EPHA3: variants seen among roughly 807,000 people sequenced by gnomAD.
EPHA3 encodes EPH receptor A3, also known as ephrin type-A receptor 3.
A neutral mutation model predicts 107.1 loss-of-function variants in EPHA3; 42 were observed. The ratio of observed to expected loss-of-function variants is 0.39; its 90% CI spans 0.31 to 0.51. The LOEUF (loss-of-function observed/expected upper bound fraction) is 0.51. Ranked by LOEUF, EPHA3 falls within the 20% of genes least tolerant of loss-of-function variation. The pLI is 0.78. For missense variants in EPHA3, 1,183 were observed against 1,211.2 expected, an observed-to-expected ratio of 0.98 and a Z score of 0.35; for synonymous variants, 461 against 424.8, an observed-to-expected ratio of 1.09 and a Z score of -1.05.
chr3:89,370,093 G>A (rs1464757314), intron 5 of EPHA3, among the ~76,000 whole-genome samples: 2 of 150,760 alleles, frequency 1.3e-5, no homozygotes, highest in African/African-American at 4.9e-5. Flanking sequence ...GTGGAAGTCA[G>A]TGTGGCGATT....
chr3:89,356,634 T>C (rs1707963498), intron 5 of EPHA3, among the ~76,000 whole-genome samples: 2 of 151,280 alleles, frequency 1.3e-5, no homozygotes, highest in African/African-American at 4.8e-5. Context: ...CTCAATGTAA[T>C]AGGTCATTCT....
intron 5 of EPHA3, 132 bp downstream of exon 5, chr3:89,342,222 T>A: frequency 1.5e-6 from 1 of 681,130 alleles, no homozygotes; most frequent in Non-Finnish European, 2.4e-6. Flanking sequence ...CTAACACATT[T>A]AAACAGTTAT....
chr3:89,402,782 G>A (rs1019402774), intron 7 of EPHA3, among the ~76,000 whole-genome samples: 33 of 151,996 alleles, frequency 2.2e-4, no homozygotes, highest in Admixed American at 1.7e-3. Context: ...TACAAAATCC[G>A]CCTCCTGGGT....
chr3:89,457,223 C>T (rs73846179), intron 15 of EPHA3, among the ~76,000 whole-genome samples: 5,156 of 152,124 alleles, frequency 0.034, 289 homozygotes, highest in African/African-American at 0.12. Flanking sequence ...TCGCATAATA[C>T]GGTTTTGCTA....
intron 3 of EPHA3, among the ~76,000 whole-genome samples, chr3:89,241,700 C>T (rs1271059794): frequency 6.6e-6 from 1 of 152,000 alleles, no homozygotes; most frequent in Non-Finnish European, 1.5e-5. Context: ...TTTCTTTTAT[C>T]ACCCCCCTGC....
At chr3:89,128,791 C>G (rs1462066039) in intron 2 of EPHA3, among the ~76,000 whole-genome samples, 1 of 151,642 alleles carries the variant, frequency 6.6e-6, no homozygotes, top group Non-Finnish European at 1.5e-5. Context: ...TCTTATATTT[C>G]ACAGCAACAG....
intron 2 of EPHA3, among the ~76,000 whole-genome samples, chr3:89,147,681 A>G (rs1704595577): frequency 6.6e-6 from 1 of 151,924 alleles, no homozygotes; most frequent in South Asian, 2.1e-4. Context: ...AAAGGGCAGA[A>G]TACTGTATTT....
intron 2 of EPHA3, among the ~76,000 whole-genome samples, chr3:89,202,445 C>G (rs534393106): frequency 2.0e-5 from 3 of 147,874 alleles, no homozygotes; most frequent in Non-Finnish European, 4.4e-5. Flanking sequence ...GAACCCAGGA[C>G]GTGGAGGTTG....
chr3:89,155,218 C>T (rs1172844593), intron 2 of EPHA3, among the ~76,000 whole-genome samples: 1 of 151,776 alleles, frequency 6.6e-6, no homozygotes, highest in Non-Finnish European at 1.5e-5. Flanking sequence ...TGATCTTGTA[C>T]ATTTTTTATC....
At chr3:89,399,211 T>C (rs1708908051) in intron 6 of EPHA3, 107 bp from the exon 7 acceptor site, 1 of 1,028,720 alleles carries the variant, frequency 9.7e-7, no homozygotes, top group Non-Finnish European at 1.4e-6. Context: ...CATCCTATGA[T>C]TTGTGTTAAA....
At chr3:89,403,799 T>C (rs1709006816) in intron 7 of EPHA3, among the ~76,000 whole-genome samples, 1 of 152,188 alleles carries the variant, frequency 6.6e-6, no homozygotes, top group Non-Finnish European at 1.5e-5. Context: ...AGTTTTTCTA[T>C]CTGGAAATTG....
intron 13 of EPHA3, among the ~76,000 whole-genome samples, chr3:89,445,153 C>A (rs865795341): frequency 1.3e-5 from 2 of 152,076 alleles, no homozygotes; most frequent in African/African-American, 4.8e-5. Context: ...CTAATCCCAG[C>A]TACTAAGGAG....
At position 89,345,497 on chromosome 3, in the gene EPHA3, G is replaced by A. The variant is rs141639852; in HGVS notation, c.1306+3407G>A. ...CTCCTAGATTAATAATTTATTCCAC[G>A]TGCTTTATCCGTCCCACCCCCATCT... is the stretch of plus-strand genomic sequence containing the variant. On this transcript the variant is annotated intron_variant, in intron 5 of 16. Transcript: ENST00000336596. 2.9e-3 allele frequency among the ~76,000 whole-genome samples: 439 copies of A among 150,658 alleles called. 2 individuals are homozygous for A. Among genetic ancestry groups the A allele is most frequent in the African/African-American group, 0.01 (419 of 41,276 alleles).
Position 89,397,181 on chromosome 3 carries a change from A to G in EPHA3, c.1431+1220A>G, listed in dbSNP as rs146652698. On this transcript the variant is annotated intron_variant, in intron 6 of 16. Transcript: ENST00000336596. The stretch of plus-strand genomic sequence containing the variant: ...TGTCATTTTTTTCATAGTCTCTCTT[A>G]CAGAAAGCCTAGAGTATATCTTTTT... Among the ~76,000 whole-genome samples the G allele has an allele frequency of 5.4e-3, 824 of 152,288 alleles. 7 individuals are homozygous for G. Among genetic ancestry groups the G allele is most frequent in the African/African-American group, 0.019 (778 of 41,566 alleles).
intron 13 of EPHA3, among the ~76,000 whole-genome samples, chr3:89,436,704 A>T (rs1294896549): frequency 6.6e-6 from 1 of 152,216 alleles, no homozygotes. Context: ...GGAGTTGAGG[A>T]AACACCTAAG....
intron 15 of EPHA3, 24 bp from the exon 16 acceptor site, chr3:89,472,440 C>A: frequency 6.2e-7 from 1 of 1,603,324 alleles, no homozygotes; most frequent in Non-Finnish European, 8.5e-7. Flanking sequence ...GATCTGTCTC[C>A]CTTTGGTGTT....
intron 2 of EPHA3, among the ~76,000 whole-genome samples, chr3:89,136,516 C>A (rs1458911833): frequency 1.3e-5 from 2 of 151,220 alleles, no homozygotes; most frequent in African/African-American, 2.4e-5. Context: ...TTTTCTGTTG[C>A]TAACACTATG....
At chr3:89,440,579 G>A (rs543705368) in intron 13 of EPHA3, among the ~76,000 whole-genome samples, 1 of 152,250 alleles carries the variant, frequency 6.6e-6, no homozygotes, top group South Asian at 2.1e-4. Context: ...AAAAATTCAG[G>A]CTTTTAGCCA....
At chr3:89,449,504 C>G in intron 14 of EPHA3, 130 bp downstream of exon 14, 1 of 746,532 alleles carries the variant, frequency 1.3e-6, no homozygotes, top group Non-Finnish European at 2.0e-6. Flanking sequence ...AGCAATGAAA[C>G]TGTTTCCAAG....
Sources: gnomAD v4.1 joint callset for allele counts (sites outside exome capture counted in the v4.1 genomes callset) on GRCh38, gnomAD v4.1.1 for gene constraint, MANE v1.5 for transcripts, NCBI Gene and HGNC (gene_info 2026-07-23, HGNC 2026-07-21) for gene names.